The following GRIK1 variants were observed in gnomAD, a reference collection of about 807,000 sequenced individuals.
GRIK1 encodes glutamate ionotropic receptor kainate type subunit 1, also known as glutamate receptor ionotropic, kainate 1.
In GRIK1, 69 loss-of-function variants were observed where a neutral mutation model predicts 105.7. The observed-to-expected ratio is 0.65, with a 90% confidence interval of 0.54 to 0.80. GRIK1 has a LOEUF of 0.80. Ranked by LOEUF, GRIK1 falls within the 30% of genes least tolerant of loss-of-function variation. The pLI, the probability that GRIK1 is intolerant of heterozygous loss-of-function variation, is 0.00. For synonymous variants in GRIK1, 438 were observed against 431.3 expected (o/e 1.02, Z -0.19); for missense variants, 1,109 against 1,167.3 (o/e 0.95, Z 0.73).
chr21:29,718,826 G>T (rs896243740), intron 1 of GRIK1, among the ~76,000 whole-genome samples: 5 of 152,124 alleles, frequency 3.3e-5, no homozygotes, highest in African/African-American at 1.2e-4. Context: ...GCATTCTAGT[G>T]CTCAGTGCCT....
chr21:29,775,821 C>G (rs111584119), intron 1 of GRIK1, among the ~76,000 whole-genome samples: 1 of 152,182 alleles, frequency 6.6e-6, no homozygotes, highest in African/African-American at 2.4e-5. Flanking sequence ...GAACAGACTT[C>G]CTTTTTAGAT....
At chr21:29,790,085 G>C (rs2066370857) in intron 1 of GRIK1, among the ~76,000 whole-genome samples, 3 of 152,080 alleles carry the variant, frequency 2.0e-5, no homozygotes, top group African/African-American at 7.2e-5. Flanking sequence ...GAGTCTCGCT[G>C]TATCACCAGA....
chr21:29,802,741 A>G (rs951816515), intron 1 of GRIK1, among the ~76,000 whole-genome samples: 2 of 152,208 alleles, frequency 1.3e-5, no homozygotes, highest in Non-Finnish European at 2.9e-5. Context: ...ATCATCTGCG[A>G]TCCATTTTGA....
At chr21:29,930,326 G>GGATT (rs2071523781) in intron 1 of GRIK1, among the ~76,000 whole-genome samples, 1 of 152,048 alleles carries the variant, frequency 6.6e-6, no homozygotes, top group Admixed American at 6.6e-5. Context: ...ATCTGTTTAC[G>GGATT]GATTACTAAA....
chr21:29,910,763 A>G (rs1045635707), intron 1 of GRIK1, among the ~76,000 whole-genome samples: 3 of 101,560 alleles, frequency 3.0e-5, no homozygotes, highest in Non-Finnish European at 5.9e-5. Context: ...AGTTTTTCAT[A>G]TGCTTGTAGT....
chr21:29,848,740 G>T (rs2068206103), intron 1 of GRIK1, among the ~76,000 whole-genome samples: 1 of 112,918 alleles, frequency 8.9e-6, no homozygotes, highest in Non-Finnish European at 1.8e-5. Context: ...TCCTTAAATA[G>T]ACCAAGTTGT....
chr21:29,566,427 C>T (rs754346678), intron 14 of GRIK1, among the ~76,000 whole-genome samples: 7 of 152,148 alleles, frequency 4.6e-5, no homozygotes, highest in Non-Finnish European at 8.8e-5. Flanking sequence ...TAGATAAATG[C>T]ATTTTATCTG....
chr21:29,650,364 A>G (rs2062706446), intron 6 of GRIK1, among the ~76,000 whole-genome samples: 1 of 152,216 alleles, frequency 6.6e-6, no homozygotes, highest in Admixed American at 6.5e-5. Flanking sequence ...CCTGCATTCC[A>G]CAATATCTTT....
chr21:29,589,823 A>T (rs1320801733), intron 10 of GRIK1, among the ~76,000 whole-genome samples: 1 of 152,116 alleles, frequency 6.6e-6, no homozygotes, highest in Non-Finnish European at 1.5e-5. Flanking sequence ...TCATTTCTTT[A>T]TCTAAATTTC....
intron 16 of GRIK1, among the ~76,000 whole-genome samples, chr21:29,545,102 AGC>A (rs2090030309): frequency 2.7e-5 from 1 of 36,856 alleles, no homozygotes; most frequent in Non-Finnish European, 1.4e-4. Flanking sequence ...GGTGCTCCAG[AGC>A]AGCTAAAACA....
rs1192387179 is a variant in GRIK1 at position 29,867,839 on chromosome 21, AGAAGGAAG to A, written c.118+71536_118+71543del. Among the ~76,000 whole-genome samples, 321 of 150,620 alleles carry A rather than the reference AGAAGGAAG, an allele frequency of 2.1e-3. 1 individual carries two copies. The highest frequency in any genetic ancestry group is 7.4e-3 in the African/African-American group (302 of 40,772). On this transcript the variant is annotated intron_variant, in intron 1 of 17. Coordinates refer to ENST00000327783, the MANE Select transcript of GRIK1 (RefSeq NM_001330994.2). ...AAGAATGAAAGAAAGAAAGAAAGAA[AGAAGGAAG>A]GAAAGAGAGAAAGAGAGAGAAAGAG...
intron 1 of GRIK1, among the ~76,000 whole-genome samples, chr21:29,833,431 G>T (rs1292927293): frequency 6.6e-6 from 1 of 152,064 alleles, no homozygotes; most frequent in Non-Finnish European, 1.5e-5. Context: ...TCTGAGACTG[G>T]GTAACCTATA....
chr21:29,911,322 T>C (rs936928228), intron 1 of GRIK1, among the ~76,000 whole-genome samples: 5 of 152,054 alleles, frequency 3.3e-5, no homozygotes, highest in Non-Finnish European at 5.9e-5. Flanking sequence ...TTGAATAATA[T>C]TCTACAAAAC....
At chr21:29,720,861 CA>C (rs1466728219) in intron 1 of GRIK1, among the ~76,000 whole-genome samples, 1 of 152,130 alleles carries the variant, frequency 6.6e-6, no homozygotes, top group African/African-American at 2.4e-5. Flanking sequence ...CAGGAAATGT[CA>C]CCACAAAGAG....
chr21:29,893,916 C>T (rs1245619359), intron 1 of GRIK1, among the ~76,000 whole-genome samples: 1 of 152,138 alleles, frequency 6.6e-6, no homozygotes, highest in African/African-American at 2.4e-5. Flanking sequence ...TCAGCAAACC[C>T]TTCAGGGAGG....
intron 16 of GRIK1, among the ~76,000 whole-genome samples, chr21:29,542,322 C>A (rs999474648): frequency 4.6e-5 from 7 of 152,176 alleles, no homozygotes; most frequent in Admixed American, 1.3e-4. Context: ...CTTCATGGCA[C>A]CTCCTTTGAA....
At chr21:29,734,539 A>G (rs1324807496) in intron 1 of GRIK1, among the ~76,000 whole-genome samples, 2 of 151,908 alleles carry the variant, frequency 1.3e-5, no homozygotes, top group Non-Finnish European at 2.9e-5. Flanking sequence ...AGTTGGGACT[A>G]TAGCCACGTG....
chr21:29,560,367 TCCTTCC>T (rs1568813673), intron 15 of GRIK1, among the ~76,000 whole-genome samples: 26 of 27,934 alleles, frequency 9.3e-4, no homozygotes, highest in South Asian at 3.3e-3. Context: ...TTTTCTTTCT[TCCTTCC>T]TTCCTTCCTT....
chr21:29,775,446 G>C (rs944242213), intron 1 of GRIK1, among the ~76,000 whole-genome samples: 1 of 152,074 alleles, frequency 6.6e-6, no homozygotes, highest in Non-Finnish European at 1.5e-5. Context: ...AGCTACCAAG[G>C]AGCTCAGTTG....
Sources: allele counts gnomAD v4.1 joint callset (sites outside exome capture counted in the v4.1 genomes callset), GRCh38; gene constraint gnomAD v4.1.1; transcripts MANE v1.5; gene names NCBI Gene and HGNC (gene_info 2026-07-23, HGNC 2026-07-21).